ZNF609: variants seen among roughly 807,000 people sequenced by gnomAD.
ZNF609 encodes the protein zinc finger protein 609.
In ZNF609, 11 loss-of-function variants were observed where a neutral mutation model predicts 109.5. That is an observed-to-expected ratio of 0.10 (90% CI 0.06 to 0.17). The LOEUF (loss-of-function observed/expected upper bound fraction) is 0.17. ZNF609 is among the 10% of genes least tolerant of loss of function. ZNF609 has a pLI of 1.00. For missense variants in ZNF609, 1,559 were observed against 1,772.4 expected, an observed-to-expected ratio of 0.88 and a Z score of 2.16; for synonymous variants, 646 against 662.0, an observed-to-expected ratio of 0.98 and a Z score of 0.37.
intron 3 of ZNF609, among the ~76,000 whole-genome samples, chr15:64,649,895 T>A (rs1480033273): frequency 2.0e-5 from 3 of 152,078 alleles, no homozygotes; most frequent in Admixed American, 1.3e-4. Context: ...ATTTTTAAAA[T>A]ACTTTAATAC....
chr15:64,609,624 A>C (rs1595738035), intron 2 of ZNF609, among the ~76,000 whole-genome samples: 1 of 150,968 alleles, frequency 6.6e-6, no homozygotes, highest in African/African-American at 2.4e-5. Context: ...TTTAATTTCT[A>C]ATATGTTAAA....
chr15:64,645,008 T>TTCCTTC (rs1567037977), intron 3 of ZNF609, among the ~76,000 whole-genome samples: 37 of 140,148 alleles, frequency 2.6e-4, no homozygotes, highest in African/African-American at 7.7e-4. Context: ...TTTCTTTCTT[T>TTCCTTC]CTTCCTTCCT....
intron 2 of ZNF609, among the ~76,000 whole-genome samples, chr15:64,506,812 T>A (rs1893644536): frequency 6.6e-6 from 1 of 152,120 alleles, no homozygotes; most frequent in Non-Finnish European, 1.5e-5. Flanking sequence ...CAATAAATAT[T>A]AGAAAAAAGA....
At chr15:64,543,446 CTT>C (rs1444264335) in intron 2 of ZNF609, among the ~76,000 whole-genome samples, 41 of 133,164 alleles carry the variant, frequency 3.1e-4, no homozygotes, top group Non-Finnish European at 4.6e-4. Flanking sequence ...TTGTTTTTTG[CTT>C]TTTTTTTTTT....
At chr15:64,631,706 ATTTT>A (rs766937011) in intron 3 of ZNF609, 37 of 166,576 alleles carry the variant, frequency 2.2e-4, no homozygotes, top group South Asian at 7.8e-4. Context: ...CTAATTTTGT[ATTTT>A]TTTTTTTTTT....
chr15:64,480,143 G>T (rs972708073), intron 1 of ZNF609, among the ~76,000 whole-genome samples: 5 of 152,056 alleles, frequency 3.3e-5, no homozygotes, highest in Admixed American at 3.3e-4. Flanking sequence ...GGGGTCTGAG[G>T]CAGGAGAATC....
At chr15:64,575,978 T>C (rs902229650) in intron 2 of ZNF609, among the ~76,000 whole-genome samples, 1 of 152,110 alleles carries the variant, frequency 6.6e-6, no homozygotes. Context: ...GGCGGGCACC[T>C]GTAGTCCCAG....
intron 2 of ZNF609, among the ~76,000 whole-genome samples, chr15:64,564,626 A>G (rs1310081695): frequency 1.3e-5 from 2 of 151,302 alleles, no homozygotes; most frequent in African/African-American, 2.4e-5. Context: ...TTTTTTTGTC[A>G]TATTCACAAG....
At chr15:64,549,465 C>T (rs942579827) in intron 2 of ZNF609, among the ~76,000 whole-genome samples, 2 of 151,994 alleles carry the variant, frequency 1.3e-5, no homozygotes, top group South Asian at 2.1e-4. Context: ...CATGAGCCAC[C>T]GTGCCAAGAC....
chr15:64,500,458 C>T, intron 2 of ZNF609: 1 of 660,686 alleles, frequency 1.5e-6, no homozygotes, highest in South Asian at 1.7e-5. Context: ...CCCACCTTGT[C>T]TTTGCCCACC....
At position 64,675,516 on chromosome 15, in the gene ZNF609, G is replaced by C. The variant is rs1464732445; in HGVS notation, c.2662G>C (p.Asp888His). The change falls in exon 5 of 10, where the codon GAC (aspartate) becomes CAC (histidine). Residue 888 changes from aspartate (D) to histidine (H), a missense_variant. Transcript: ENST00000326648. The stretch of plus-strand genomic sequence containing the variant: ...TTTTCCCCCTCAGCCTCAGAGCAAA[G>C]ACTCACCATATTACCAAGGCTTTGA... Reference protein sequence around the residue: ...TLFPPQPQSKDSPYYQGFESY... With the variant: ...TLFPPQPQSKHSPYYQGFESY... 1 of 1,614,184 alleles carries C rather than the reference G, an allele frequency of 6.2e-7. No individual in the cohort carries two copies. The highest frequency in any genetic ancestry group is 1.7e-5 in the Admixed American group (1 of 60,020).
At chr15:64,662,372 C>G (rs969258890) in intron 3 of ZNF609, among the ~76,000 whole-genome samples, 12 of 152,034 alleles carry the variant, frequency 7.9e-5, no homozygotes, top group African/African-American at 2.2e-4. Flanking sequence ...GTGAATTAGG[C>G]TGGAGTGCAG....
rs990145378 is a variant in ZNF609 at position 64,489,256 on chromosome 15, G to C, written c.-127-10037G>C. Among the ~76,000 whole-genome samples the C allele has an allele frequency of 6.6e-5, 10 of 151,922 alleles. 1 individual carries two copies. The highest frequency in any genetic ancestry group is 1.7e-4 in the African/African-American group (7 of 41,446). On this transcript the variant is annotated intron_variant, in intron 1 of 9. Coordinates refer to ENST00000326648, the MANE Select transcript of ZNF609 (RefSeq NM_015042.2). ...GATGGAGTGCAGTGGCGCGATCTTGGCTCACTGCAACCTCCGCCCTCCAAG... is the reference window on the plus strand; with the variant it reads ...GATGGAGTGCAGTGGCGCGATCTTGCCTCACTGCAACCTCCGCCCTCCAAG...
intron 2 of ZNF609, among the ~76,000 whole-genome samples, chr15:64,566,961 C>CT (rs1894786385): frequency 6.6e-6 from 1 of 152,110 alleles, no homozygotes; most frequent in South Asian, 2.1e-4. Context: ...GGACAGAAAC[C>CT]TTTGTGATAA....
At chr15:64,599,917 C>A (rs746489066) in intron 2 of ZNF609, among the ~76,000 whole-genome samples, 2 of 152,202 alleles carry the variant, frequency 1.3e-5, no homozygotes, top group Non-Finnish European at 2.9e-5. Flanking sequence ...TAGGTCCACT[C>A]CAGCATTGAG....
intron 3 of ZNF609, among the ~76,000 whole-genome samples, chr15:64,637,927 C>G (rs761024373): frequency 1.4e-5 from 2 of 145,400 alleles, no homozygotes; most frequent in Non-Finnish European, 3.0e-5. Context: ...TTTCTGTGCC[C>G]TGTTTAACAA....
chr15:64,564,045 G>A (rs1016024687), intron 2 of ZNF609, among the ~76,000 whole-genome samples: 21 of 151,642 alleles, frequency 1.4e-4, no homozygotes, highest in South Asian at 8.4e-4. Flanking sequence ...CACCACACCC[G>A]GCCTAAATTT....
chr15:64,617,336 A>T (rs1895815727), intron 2 of ZNF609, among the ~76,000 whole-genome samples: 1 of 151,906 alleles, frequency 6.6e-6, no homozygotes, highest in South Asian at 2.1e-4. Context: ...AATTAAAAAA[A>T]AAAAAAAATT....
rs151125949 is a variant in ZNF609 at position 64,680,845 on chromosome 15, A to G, written c.4145A>G (p.Asn1382Ser). 19 of 1,611,330 alleles carry G rather than the reference A, an allele frequency of 1.2e-5. No homozygotes were observed. In the African/African-American group the frequency reaches 2.4e-4, roughly 20 times the overall value. ...TACTCATTGCTCCCAGCACAGTACAACTTACCCTATGCAGCAGGTAAGCCT... is the reference window on the plus strand; with the variant it reads ...TACTCATTGCTCCCAGCACAGTACAGCTTACCCTATGCAGCAGGTAAGCCT... ...LGYSLLPAQY[N>S]LPYAAGLSST... Residue 1382 changes from asparagine to serine, a missense_variant, in exon 8 of 10, where the codon AAC becomes AGC. Asn to Ser is a conservative substitution (Grantham distance 46). This residue lies in a region of ZNF609 where 1,204 missense variants were observed against 1,314.1 expected (regional missense o/e 0.92). Transcript: ENST00000326648.
Sources: gnomAD v4.1 joint callset for allele counts (sites outside exome capture counted in the v4.1 genomes callset) on GRCh38, gnomAD v4.1.1 for gene constraint, gnomAD v4.1.1 regional missense constraint, MANE v1.5 for transcripts, NCBI Gene and HGNC (gene_info 2026-07-23, HGNC 2026-07-21) for gene names.